Variants in AOPEP observed in about 807,000 individuals in gnomAD.
AOPEP encodes aminopeptidase O (putative), also known as aminopeptidase O.
In AOPEP, 77 loss-of-function variants were observed where a neutral mutation model predicts 98.1. That is an observed-to-expected ratio of 0.78 (90% CI 0.65 to 0.95). AOPEP has a LOEUF of 0.95. Ranked by LOEUF, AOPEP falls within the 40% of genes least tolerant of loss-of-function variation. AOPEP has a pLI of 0.00. For synonymous variants in AOPEP, 346 were observed against 365.3 expected (o/e 0.95, Z 0.60); for missense variants, 1,024 against 1,024.7 (o/e 1.00, Z 0.01).
At chr9:94,821,270 C>G (rs990595588) in intron 5 of AOPEP, among the ~76,000 whole-genome samples, 4 of 152,130 alleles carry the variant, frequency 2.6e-5, no homozygotes, top group African/African-American at 9.7e-5. Context: ...ATAGAGCGTT[C>G]ACCCCACAGT....
At chr9:94,766,959 G>C (rs2132659909) in intron 2 of AOPEP, among the ~76,000 whole-genome samples, 1 of 152,180 alleles carries the variant, frequency 6.6e-6, no homozygotes, top group Admixed American at 6.5e-5. Context: ...TTTTAGTTTG[G>C]AGTATCAAAA....
intron 14 of AOPEP, among the ~76,000 whole-genome samples, chr9:95,075,995 C>T (rs2069021405): frequency 6.6e-6 from 1 of 152,270 alleles, no homozygotes; most frequent in African/African-American, 2.4e-5. Context: ...GGCTCTAGCT[C>T]TCTCTGTTCC....
chr9:95,103,989 G>A, the AOPEP span, among the ~76,000 whole-genome samples: 1 of 152,218 alleles, frequency 6.6e-6, no homozygotes, highest in South Asian at 2.1e-4. Context: ...GCTGGGAGGT[G>A]GCTGCGCTCG....
intron 5 of AOPEP, among the ~76,000 whole-genome samples, chr9:94,847,553 A>G (rs1389041788): frequency 1.2e-4 from 19 of 152,222 alleles, no homozygotes; most frequent in Admixed American, 1.2e-3. Flanking sequence ...ATTCTTATAG[A>G]TGATTGAAGA....
intron 10 of AOPEP, among the ~76,000 whole-genome samples, chr9:94,971,519 C>A (rs952773334): frequency 3.9e-5 from 6 of 152,202 alleles, no homozygotes; most frequent in African/African-American, 1.4e-4. Flanking sequence ...AAAGGCCCCA[C>A]ACCTACCCCC....
At chr9:95,041,569 T>A (rs2065315856) in intron 13 of AOPEP, among the ~76,000 whole-genome samples, 1 of 151,932 alleles carries the variant, frequency 6.6e-6, no homozygotes, top group Non-Finnish European at 1.5e-5. Flanking sequence ...CTGCACTTAA[T>A]GAAGACTTCA....
chr9:94,926,804 G>A (rs1166109036), intron 6 of AOPEP, among the ~76,000 whole-genome samples: 1 of 150,200 alleles, frequency 6.7e-6, no homozygotes, highest in Non-Finnish European at 1.5e-5. Context: ...TGGGGCCGGG[G>A]GTGGGTTGCG....
intron 11 of AOPEP, among the ~76,000 whole-genome samples, chr9:95,001,822 G>C (rs1161974967): frequency 6.6e-6 from 1 of 152,042 alleles, no homozygotes; most frequent in East Asian, 1.9e-4. Context: ...CTGTTGCCCA[G>C]GCTGGAGTGC....
chr9:94,898,698 C>G (rs974621445), intron 5 of AOPEP, among the ~76,000 whole-genome samples: 3 of 147,464 alleles, frequency 2.0e-5, no homozygotes, highest in African/African-American at 7.5e-5. Flanking sequence ...AATCCCAGCA[C>G]TTTGGGAGGC....
intron 5 of AOPEP, among the ~76,000 whole-genome samples, chr9:94,886,463 A>G (rs2048253291): frequency 2.0e-5 from 3 of 152,208 alleles, no homozygotes; most frequent in Admixed American, 2.0e-4. Flanking sequence ...TTGTCACACT[A>G]GTTTATGTTA....
chr9:94,884,202 C>T (rs1564318284), intron 5 of AOPEP, among the ~76,000 whole-genome samples: 1 of 152,206 alleles, frequency 6.6e-6, no homozygotes, highest in Non-Finnish European at 1.5e-5. Flanking sequence ...TAAATTCCTT[C>T]TAATAGCCCT....
intron 7 of AOPEP, chr9:94,932,489 T>TC (rs2055506422): frequency 5.8e-6 from 1 of 171,474 alleles, no homozygotes; most frequent in Non-Finnish European, 1.2e-5. Context: ...TTCTTTCTTT[T>TC]TTTTTTTTTT....
At chr9:95,105,866 C>A in the AOPEP span, among the ~76,000 whole-genome samples, 2 of 152,222 alleles carry the variant, frequency 1.3e-5, no homozygotes, top group African/African-American at 4.8e-5. Flanking sequence ...CGGTGCATTG[C>A]TTGTCCCTCT....
chr9:94,830,161 G>A (rs1014079725), intron 5 of AOPEP, among the ~76,000 whole-genome samples: 1 of 152,148 alleles, frequency 6.6e-6, no homozygotes, highest in African/African-American at 2.4e-5. Flanking sequence ...AGCCCAGCAT[G>A]CATTAACTAT....
intron 3 of AOPEP, among the ~76,000 whole-genome samples, chr9:94,792,151 A>G (rs1845868984): frequency 6.6e-6 from 1 of 152,242 alleles, no homozygotes; most frequent in African/African-American, 2.4e-5. Context: ...CGTGCTTTTC[A>G]TCTGCTCAGC....
the AOPEP span, among the ~76,000 whole-genome samples, chr9:95,097,428 C>T: frequency 6.6e-6 from 1 of 152,200 alleles, no homozygotes; most frequent in African/African-American, 2.4e-5. Flanking sequence ...GACCCAGGCT[C>T]CTCCATCTGA....
chr9:94,858,059 C>A (rs1219775217), intron 5 of AOPEP, among the ~76,000 whole-genome samples: 1 of 150,670 alleles, frequency 6.6e-6, no homozygotes, highest in East Asian at 1.9e-4. Context: ...CACGTCTGGC[C>A]TGAAGCATTT....
intron 11 of AOPEP, among the ~76,000 whole-genome samples, chr9:94,987,560 G>C (rs946087218): frequency 1.8e-4 from 28 of 152,190 alleles, no homozygotes; most frequent in African/African-American, 6.5e-4. Context: ...CTGGAAGGGT[G>C]GGGGCAAGAA....
intron 9 of AOPEP, among the ~76,000 whole-genome samples, chr9:94,964,304 A>C (rs1290297868): frequency 6.6e-6 from 1 of 152,198 alleles, no homozygotes; most frequent in Non-Finnish European, 1.5e-5. Context: ...ACTGGGAGGC[A>C]GGACAACCAT....
Sources: gnomAD v4.1 joint callset for allele counts (sites outside exome capture counted in the v4.1 genomes callset) on GRCh38, gnomAD v4.1.1 for gene constraint, MANE v1.5 for transcripts, NCBI Gene and HGNC (gene_info 2026-07-23, HGNC 2026-07-21) for gene names.